TAF1: variants seen among roughly 807,000 people sequenced by gnomAD.
TAF1 encodes TATA-box binding protein associated factor 1.
In TAF1, 2 loss-of-function variants were observed where a neutral mutation model predicts 138.5. The observed-to-expected ratio is 0.01, with a 90% CI of 0.01 to 0.05. The LOEUF is 0.05. Ranked by LOEUF, TAF1 falls within the 10% of genes least tolerant of loss-of-function variation. The pLI is 1.00. For missense variants in TAF1, 709 were observed against 1,478.0 expected, an observed-to-expected ratio of 0.48 and a Z score of 8.53; for synonymous variants, 437 against 503.2, an observed-to-expected ratio of 0.87 and a Z score of 1.76.
intron 32 of TAF1, among the ~76,000 whole-genome samples, chrX:71,453,542 T>C (rs2038148803): frequency 9.1e-6 from 1 of 110,157 alleles, no homozygotes; most frequent in Non-Finnish European, 1.9e-5. Context: ...AACAACAGCC[T>C]GCACCAGAGT....
chrX:71,368,546 C>T (rs1250103390), intron 3 of TAF1: 3 of 133,934 alleles, frequency 2.2e-5, no homozygotes, highest in African/African-American at 3.2e-5. Context: ...AAGGATACAA[C>T]GTCATACATA....
intron 32 of TAF1, among the ~76,000 whole-genome samples, chrX:71,439,096 A>C (rs1296493117): frequency 8.9e-6 from 1 of 112,075 alleles, no homozygotes; most frequent in African/African-American, 3.2e-5. Context: ...TTGTAGACAA[A>C]GCCACTTGCC....
chrX:71,515,364 T>C (rs2039806915), intron 13 of TAF1, among the ~76,000 whole-genome samples: 1 of 111,784 alleles, frequency 8.9e-6, no homozygotes, highest in Non-Finnish European at 1.9e-5. Flanking sequence ...CTTCAGACCT[T>C]TGAGGATGGG....
intron 13 of TAF1, among the ~76,000 whole-genome samples, chrX:71,502,367 G>T (rs1427487198): frequency 9.0e-6 from 1 of 111,179 alleles, no homozygotes; most frequent in Non-Finnish European, 1.9e-5. Flanking sequence ...AGTGCTGACT[G>T]GTGCATTTAC....
At chrX:71,406,797 C>T (rs747524868) in intron 26 of TAF1, 51 bp downstream of exon 26, 1 of 1,055,842 alleles carries the variant, frequency 9.5e-7, no homozygotes, top group Non-Finnish European at 1.3e-6. Flanking sequence ...CATTGATTCC[C>T]CAGCCCTGTA....
chrX:71,375,572 T>G (rs1347302018), intron 4 of TAF1, among the ~76,000 whole-genome samples: 2 of 111,487 alleles, frequency 1.8e-5, no homozygotes, highest in Non-Finnish European at 3.8e-5. Context: ...AACAAATACC[T>G]GACTTTCACC....
At chrX:71,416,480 G>T (rs1229860891) in intron 28 of TAF1, 1 of 180,431 alleles carries the variant, frequency 5.5e-6, no homozygotes, top group African/African-American at 3.2e-5. Flanking sequence ...AGCCAATTCT[G>T]AGTGGCGAGG....
At chrX:71,449,819 C>A (rs1051284459) in intron 32 of TAF1, among the ~76,000 whole-genome samples, 4 of 112,179 alleles carry the variant, frequency 3.6e-5, no homozygotes, top group African/African-American at 1.3e-4. Context: ...GTCACTGAGG[C>A]TGGAGTGCAG....
chrX:71,383,156 A>C lies in TAF1; in HGVS notation c.1939A>C (p.Lys647Gln). ...ACCTTTGCTAAAGCACATCAAAAAAAAGGCCAAGGTATAATTGAATTCTGG... is the reference window on the plus strand; with the variant it reads ...ACCTTTGCTAAAGCACATCAAAAAACAGGCCAAGGTATAATTGAATTCTGG... ...VQPLLKHIKK[K>Q]AKMREQERQA... is the part of the protein sequence containing the mutation. The change falls in exon 12 of 38, where the codon AAG becomes CAG. Residue 647 changes from lysine (K) to glutamine (Q), a missense_variant. Physicochemically the swap from Lys to Gln is moderately conservative, Grantham distance 53 (BLOSUM62 1). Coordinates refer to ENST00000423759, the MANE Select transcript of TAF1 (RefSeq NM_004606.5). 2.5e-6 allele frequency: 3 copies of C among 1,210,066 alleles called. No individual in the cohort carries two copies. Among genetic ancestry groups the C allele is most frequent in the Non-Finnish European group, 3.4e-6 (3 of 895,022 alleles).
chrX:71,478,972 A>G (rs1360397678), intron 13 of TAF1, among the ~76,000 whole-genome samples: 1 of 112,661 alleles, frequency 8.9e-6, no homozygotes, highest in African/African-American at 3.2e-5. Flanking sequence ...TATATATGCT[A>G]GAAAAATTCT....
intron 13 of TAF1, among the ~76,000 whole-genome samples, chrX:71,498,764 G>A (rs1398065069): frequency 5.4e-5 from 6 of 111,627 alleles, no homozygotes; most frequent in African/African-American, 2.0e-4. Flanking sequence ...TCCCTAATAA[G>A]GGTGTGGGAC....
At chrX:71,398,946 C>CT (rs2035004439) in intron 24 of TAF1, among the ~76,000 whole-genome samples, 1 of 111,485 alleles carries the variant, frequency 9.0e-6, no homozygotes, top group Non-Finnish European at 1.9e-5. Context: ...ATTGTTCTCT[C>CT]TCTCTTTTTT....
chrX:71,408,979 A>G (rs749128028), intron 28 of TAF1, among the ~76,000 whole-genome samples: 1 of 105,589 alleles, frequency 9.5e-6, no homozygotes, highest in Non-Finnish European at 1.9e-5. Flanking sequence ...GTGCCACTGC[A>G]CTCCAGTCTG....
intron 32 of TAF1, among the ~76,000 whole-genome samples, chrX:71,435,036 A>G (rs1462434805): frequency 8.9e-6 from 1 of 112,511 alleles, no homozygotes; most frequent in African/African-American, 3.2e-5. Context: ...CCAATAGGTG[A>G]TGCTGAGCTA....
intron 14 of TAF1, among the ~76,000 whole-genome samples, chrX:71,529,339 G>T (rs982722035): frequency 9.1e-6 from 1 of 109,662 alleles, no homozygotes; most frequent in African/African-American, 3.3e-5. Flanking sequence ...CCAAAGTGCT[G>T]GGATTACAGG....
chrX:71,391,310 G>C (rs2148361009), intron 18 of TAF1, among the ~76,000 whole-genome samples: 1 of 111,789 alleles, frequency 8.9e-6, no homozygotes, highest in African/African-American at 3.2e-5. Flanking sequence ...AGGCCACACA[G>C]AGTGAGTAAA....
At chrX:71,507,486 C>T (rs1413371286) in intron 13 of TAF1, among the ~76,000 whole-genome samples, 1 of 111,907 alleles carries the variant, frequency 8.9e-6, no homozygotes, top group Non-Finnish European at 1.9e-5. Context: ...CACCTTTGGA[C>T]CCCAGATTGC....
At chrX:71,476,056 C>T (rs906499362) in intron 13 of TAF1, among the ~76,000 whole-genome samples, 9 of 111,796 alleles carry the variant, frequency 8.1e-5, no homozygotes, top group East Asian at 5.6e-4. Context: ...GCCAGCACCA[C>T]GCTTCCTGTA....
intron 2 of TAF1, 94 bp from the exon 3 acceptor site, chrX:71,367,960 C>A: frequency 1.0e-6 from 1 of 960,996 alleles, no homozygotes; most frequent in Non-Finnish European, 1.5e-6. Context: ...CGTGAGCCAC[C>A]GCATCCAGCC....
Sources: gnomAD v4.1 joint callset for allele counts (sites outside exome capture counted in the v4.1 genomes callset) on GRCh38, gnomAD v4.1.1 for gene constraint, MANE v1.5 for transcripts, NCBI Gene and HGNC (gene_info 2026-07-23, HGNC 2026-07-21) for gene names.